ADGRL2: variants seen among roughly 807,000 people sequenced by gnomAD.
The protein encoded by ADGRL2 is adhesion G protein-coupled receptor L2, also known as calcium-independent alpha-latrotoxin receptor 2.
ADGRL2 carries 44 observed loss-of-function variants against 157.4 expected under a neutral mutation model. The ratio of observed to expected loss-of-function variants is 0.28; its 90% confidence interval spans 0.22 to 0.36. The LOEUF (loss-of-function observed/expected upper bound fraction) is 0.36, where lower values mean the gene tolerates loss of function less well. ADGRL2 is among the 10% of genes least tolerant of loss of function. The pLI is 1.00. For synonymous variants in ADGRL2, 585 were observed against 624.7 expected (o/e 0.94, Z 0.95); for missense variants, 1,510 against 1,768.9 (o/e 0.85, Z 2.63).
chr1:81,336,799 C>T (rs924348614), intron 1 of ADGRL2, among the ~76,000 whole-genome samples: 5 of 152,096 alleles, frequency 3.3e-5, no homozygotes, highest in Non-Finnish European at 7.3e-5. Flanking sequence ...GGACAAGTGG[C>T]CCAAAGTGAG....
Position 81,993,242 on chromosome 1 carries a change from T to C in ADGRL2, c.*2097T>C, listed in dbSNP as rs925548781. Among the ~76,000 whole-genome samples the C allele has an allele frequency of 7.3e-5, 11 of 150,468 alleles. No individual in the cohort carries two copies. Among genetic ancestry groups the C allele is most frequent in the Non-Finnish European group, 8.9e-5 (6 of 67,688 alleles). ...ATCCTCTGAGAATGGTACTCATTTA[T>C]TTGGCTAAAATTCTTCAGGGATTTA... On this transcript the variant is annotated 3_prime_UTR_variant, in exon 24 of 24. Transcript: ENST00000686636.
intron 1 of ADGRL2, among the ~76,000 whole-genome samples, chr1:81,700,738 A>G (rs1156817907): frequency 1.3e-5 from 2 of 152,200 alleles, no homozygotes; most frequent in Non-Finnish European, 2.9e-5. Context: ...GGAAAAGCAT[A>G]AGAACACCCA....
exon 1 of ADGRL2, chr1:81,306,325 A>G (rs1659336447): frequency 6.6e-6 from 1 of 152,250 alleles, no homozygotes; most frequent in Non-Finnish European, 1.5e-5. Flanking sequence ...TGGTTCACAG[A>G]GAGGACTCAG....
chr1:81,350,823 G>A (rs1177531604), intron 1 of ADGRL2, among the ~76,000 whole-genome samples: 1 of 152,064 alleles, frequency 6.6e-6, no homozygotes, highest in Admixed American at 6.6e-5. Context: ...TGACTTGCAT[G>A]TTGACATTAT....
rs2081763584 is a variant in ADGRL2 at position 81,620,347 on chromosome 1, C to T, written c.-143+39367C>T. ...AAATTTAAAAATGTAAGATGTACAA[C>T]TAGCATATGAAGTACATGGTTTTAT... On this transcript the variant is annotated intron_variant, in intron 3 of 24. Coordinates refer to the ADGRL2 transcript ENST00000370721. Among the ~76,000 whole-genome samples the T allele has an allele frequency of 2.0e-5, 3 of 152,016 alleles. 1 individual carries two copies. In the South Asian group the frequency reaches 6.2e-4, roughly 32 times the overall value.
At chr1:81,695,847 G>A (rs1570863251), upstream of ADGRL2, among the ~76,000 whole-genome samples, 1 of 151,476 alleles carries the variant, frequency 6.6e-6, no homozygotes, top group East Asian at 1.9e-4. Flanking sequence ...AGAATTAAGT[G>A]TGAGCTCCTT....
At chr1:81,526,943 G>T (rs780841678) in intron 2 of ADGRL2, among the ~76,000 whole-genome samples, 1 of 152,208 alleles carries the variant, frequency 6.6e-6, no homozygotes, top group Non-Finnish European at 1.5e-5. Context: ...AGTATTGACC[G>T]TTTGGAGCCA....
At chr1:81,729,683 TAA>T (rs1300357460) in intron 1 of ADGRL2, among the ~76,000 whole-genome samples, 2 of 152,256 alleles carry the variant, frequency 1.3e-5, no homozygotes, top group East Asian at 3.8e-4. Flanking sequence ...ATTTCTCATT[TAA>T]CTGATTTCTG....
At chr1:81,485,076 A>G (rs1410725263) in intron 2 of ADGRL2, among the ~76,000 whole-genome samples, 1 of 152,114 alleles carries the variant, frequency 6.6e-6, no homozygotes, top group African/African-American at 2.4e-5. Context: ...TGCAATATTC[A>G]AATGTCTCAA....
At chr1:81,732,351 G>C (rs948953723) in intron 1 of ADGRL2, among the ~76,000 whole-genome samples, 1 of 152,252 alleles carries the variant, frequency 6.6e-6, no homozygotes, top group African/African-American at 2.4e-5. Context: ...AAGCTTGAGA[G>C]AACTACATAT....
intron 1 of ADGRL2, among the ~76,000 whole-genome samples, chr1:81,403,775 TAGTC>T (rs1171868031): frequency 6.6e-6 from 1 of 151,320 alleles, no homozygotes; most frequent in Non-Finnish European, 1.5e-5. Context: ...AGAGAGATGG[TAGTC>T]AGTAAAGCCA....
intron 1 of ADGRL2, among the ~76,000 whole-genome samples, chr1:81,705,763 A>T: frequency 6.6e-6 from 1 of 151,870 alleles, no homozygotes; most frequent in East Asian, 2.0e-4. Flanking sequence ...AAAAATTTAA[A>T]AGGTTAGATA....
At chr1:81,516,090 T>A in intron 2 of ADGRL2, among the ~76,000 whole-genome samples, 1 of 152,336 alleles carries the variant, frequency 6.6e-6, no homozygotes, top group Non-Finnish European at 1.5e-5. Context: ...ACATAAACAA[T>A]ACTTGAAAAT....
chr1:81,695,918 C>T (rs2083434072), upstream of ADGRL2, among the ~76,000 whole-genome samples: 1 of 151,920 alleles, frequency 6.6e-6, no homozygotes, highest in South Asian at 2.1e-4. Context: ...GGTTCTTGGG[C>T]AGTATCTCAC....
At chr1:81,600,165 G>T (rs2081309185) in intron 3 of ADGRL2, among the ~76,000 whole-genome samples, 1 of 152,174 alleles carries the variant, frequency 6.6e-6, no homozygotes, top group South Asian at 2.1e-4. Flanking sequence ...ATCAGTGTTT[G>T]TACTTAAGAT....
intron 1 of ADGRL2, among the ~76,000 whole-genome samples, chr1:81,356,814 G>A (rs974185047): frequency 9.9e-5 from 15 of 150,928 alleles, no homozygotes; most frequent in African/African-American, 3.7e-4. Context: ...TTAGCCGAGC[G>A]TGGTGGTGGG....
intron 2 of ADGRL2, among the ~76,000 whole-genome samples, chr1:81,792,935 A>G (rs1286037821): frequency 6.6e-5 from 10 of 152,114 alleles, no homozygotes. Context: ...AGTCCTGAAC[A>G]ATTTTACTCA....
intron 3 of ADGRL2, among the ~76,000 whole-genome samples, chr1:81,913,068 A>G (rs1040360319): frequency 6.6e-6 from 1 of 152,174 alleles, no homozygotes; most frequent in Non-Finnish European, 1.5e-5. Context: ...TTCAAAGCTC[A>G]GTGTTTTCTG....
At chr1:81,907,597 TACTTA>T (rs1344677486) in intron 3 of ADGRL2, among the ~76,000 whole-genome samples, 1 of 152,182 alleles carries the variant, frequency 6.6e-6, no homozygotes, top group African/African-American at 2.4e-5. Flanking sequence ...CATTAGTTGC[TACTTA>T]ACTTTTTTTT....
Sources: gnomAD v4.1 joint callset for allele counts (sites outside exome capture counted in the v4.1 genomes callset) on GRCh38, gnomAD v4.1.1 for gene constraint, MANE v1.5 for transcripts, NCBI Gene and HGNC (gene_info 2026-07-23, HGNC 2026-07-21) for gene names.